PALS1: variants seen among roughly 807,000 people sequenced by gnomAD.
PALS1 encodes protein associated with LIN7 1, MAGUK p55 family member.
PALS1 carries 31 observed loss-of-function variants against 78.9 expected under a neutral mutation model. The ratio of observed to expected loss-of-function variants is 0.39; its 90% confidence interval spans 0.30 to 0.53. PALS1 has a LOEUF of 0.53. Ranked by LOEUF, PALS1 falls within the 20% of genes least tolerant of loss-of-function variation. The pLI, the probability that PALS1 is intolerant of heterozygous loss-of-function variation, is 0.67. For synonymous variants in PALS1, 276 were observed against 270.9 expected (o/e 1.02, Z -0.18); for missense variants, 704 against 826.5 (o/e 0.85, Z 1.82).
chr14:67,330,142 AATAATAAT>A (rs374986089), intron 14 of PALS1, among the ~76,000 whole-genome samples: 111 of 143,316 alleles, frequency 7.7e-4, no homozygotes, highest in East Asian at 7.1e-3. Context: ...GGAAATAAAT[AATAATAAT>A]AATAATTATT....
rs1042789981 is a variant in PALS1 at position 67,312,849 on chromosome 14, G to A, written c.1225+139G>A. On this transcript the variant is annotated intron_variant, in intron 9 of 14. Transcript: ENST00000261681. ...CTTTTTCGTGTAGTTGGGTTTTTAT[G>A]TTGTACCTGCAGCGTAAGTATATTA... 1.4e-5 allele frequency: 9 copies of A among 622,990 alleles called. No homozygotes were observed. The African/African-American group carries it at 1.7e-4, about 12-fold the overall frequency. The allele number at this position is 622,990 out of a possible 1,614,324, so 38.6% of individuals were successfully genotyped here. A position where few individuals can be genotyped will look rare whatever the true frequency, so the allele number is the denominator to read the frequency against.
chr14:67,260,392 C>T (rs1422579487), intron 1 of PALS1, among the ~76,000 whole-genome samples: 2 of 152,132 alleles, frequency 1.3e-5, no homozygotes, highest in African/African-American at 2.4e-5. Flanking sequence ...AAAAGATTTT[C>T]ATTCAAAAAA....
chr14:67,307,919 T>C (rs1849233952), intron 8 of PALS1, among the ~76,000 whole-genome samples: 1 of 152,148 alleles, frequency 6.6e-6, no homozygotes, highest in Non-Finnish European at 1.5e-5. Flanking sequence ...AATGAGATCA[T>C]ATCCTTTGCA....
At chr14:67,259,324 G>A (rs556934950) in intron 1 of PALS1, among the ~76,000 whole-genome samples, 3 of 151,904 alleles carry the variant, frequency 2.0e-5, no homozygotes, top group Admixed American at 2.0e-4. Flanking sequence ...AAGTGAGTAA[G>A]GCCAGGCTGG....
At chr14:67,243,491 T>TA in intron 1 of PALS1, among the ~76,000 whole-genome samples, 1 of 83,176 alleles carries the variant, frequency 1.2e-5, no homozygotes. Flanking sequence ...AGAATATAAT[T>TA]TTTTTTTTTT....
chr14:67,243,312 C>T (rs941601391), intron 1 of PALS1, among the ~76,000 whole-genome samples: 1 of 151,176 alleles, frequency 6.6e-6, no homozygotes, highest in East Asian at 1.9e-4. Flanking sequence ...CTCAGCCTCC[C>T]GACTAGCTGG....
At chr14:67,257,061 T>C (rs921697964) in intron 1 of PALS1, among the ~76,000 whole-genome samples, 2 of 152,002 alleles carry the variant, frequency 1.3e-5, no homozygotes, top group Admixed American at 6.6e-5. Context: ...AATATGTACG[T>C]TGGTTTGATC....
chr14:67,315,063 A>G (rs2085146762), intron 9 of PALS1, among the ~76,000 whole-genome samples: 1 of 152,132 alleles, frequency 6.6e-6, no homozygotes, highest in Non-Finnish European at 1.5e-5. Flanking sequence ...AGCTTTGATC[A>G]CACCAGTGTA....
chr14:67,334,702 T>C lies in PALS1; in HGVS notation c.*1746T>C, dbSNP rs2085503473. On this transcript the variant is annotated 3_prime_UTR_variant, in exon 15 of 15. Transcript: ENST00000261681. ...AACATTCTTGGGTTGAGGGAAGGAA[T>C]GCCATACACTACTGTCTCTTCAGAT... 6.6e-6 allele frequency: 1 copy of C among 152,408 alleles called. No individual in the cohort carries two copies. The highest frequency in any genetic ancestry group is 2.1e-4 in the South Asian group (1 of 4,828). The allele number at this position is 152,408 out of a possible 1,614,324, so 9.4% of individuals were successfully genotyped here. A position where few individuals can be genotyped will look rare whatever the true frequency, so the allele number is the denominator to read the frequency against.
At chr14:67,288,964 CTTTT>C (rs36044460) in intron 3 of PALS1, among the ~76,000 whole-genome samples, 1,374 of 107,062 alleles carry the variant, frequency 0.013, 19 homozygotes, top group African/African-American at 0.039. Context: ...TCTTTATTTC[CTTTT>C]TTTTTTTTTT....
At chr14:67,304,651 A>AT (rs1334365741) in intron 8 of PALS1, among the ~76,000 whole-genome samples, 2 of 152,202 alleles carry the variant, frequency 1.3e-5, no homozygotes, top group African/African-American at 4.8e-5. Context: ...TTATGAGGGA[A>AT]TGGTGATTAC....
chr14:67,265,301 T>C (rs1259798766), intron 1 of PALS1, among the ~76,000 whole-genome samples: 1 of 152,192 alleles, frequency 6.6e-6, no homozygotes, highest in Non-Finnish European at 1.5e-5. Context: ...CTCATGCCTG[T>C]AATCTCAGAG....
intron 1 of PALS1, among the ~76,000 whole-genome samples, chr14:67,249,474 A>G (rs910475747): frequency 3.9e-5 from 6 of 152,248 alleles, no homozygotes; most frequent in African/African-American, 1.2e-4. Flanking sequence ...CACATAGCAG[A>G]TACTTAATAA....
chr14:67,295,965 G>A (rs1230175375), intron 4 of PALS1, among the ~76,000 whole-genome samples: 1 of 152,156 alleles, frequency 6.6e-6, no homozygotes, highest in Non-Finnish European at 1.5e-5. Context: ...TTGTCAACCT[G>A]TGAAAGTTGC....
At chr14:67,307,591 T>A (rs2085023127) in intron 8 of PALS1, among the ~76,000 whole-genome samples, 1 of 152,242 alleles carries the variant, frequency 6.6e-6, no homozygotes, top group Non-Finnish European at 1.5e-5. Flanking sequence ...ATTATAGGTA[T>A]AAAAATGTAT....
intron 1 of PALS1, among the ~76,000 whole-genome samples, chr14:67,256,671 C>G (rs2084149925): frequency 6.6e-6 from 1 of 152,042 alleles, no homozygotes; most frequent in Admixed American, 6.6e-5. Context: ...CCTCAGCCTC[C>G]CAAGTAGCTG....
In PALS1 at chr14:67,335,878, C is replaced by T. The variant is rs1276712310; in HGVS notation, c.*2922C>T. ...TCAAGGTTTCCACACATGTAAAGAC[C>T]ACCCTCCTCTTCAAGTTTTTGCCAA... On this transcript the variant is annotated 3_prime_UTR_variant, in exon 15 of 15. Transcript: ENST00000261681. The T allele has an allele frequency of 6.6e-6, 1 of 152,208 alleles. No individual in the cohort carries two copies. Among genetic ancestry groups the T allele is most frequent in the Non-Finnish European group, 1.5e-5 (1 of 68,036 alleles). 9.4% of individuals were successfully genotyped at this position (152,208 alleles called of 1,614,324 possible). A position where few individuals can be genotyped will look rare whatever the true frequency, so the allele number is the denominator to read the frequency against.
intron 3 of PALS1, among the ~76,000 whole-genome samples, chr14:67,289,769 C>CTTTTTTTTT (rs1566552377): frequency 7.8e-6 from 1 of 128,346 alleles, no homozygotes; most frequent in African/African-American, 3.4e-5. Flanking sequence ...TTTCCATGTC[C>CTTTTTTTTT]TTTTTTTTTT....
In PALS1 at chr14:67,335,669, A is replaced by T. The variant is rs1367190048; in HGVS notation, c.*2713A>T. 6.6e-6 allele frequency: 1 copy of T among 152,666 alleles called. No homozygotes were observed. The highest frequency in any genetic ancestry group is 1.5e-5 in the Non-Finnish European group (1 of 68,042). The allele number at this position is 152,666 out of a possible 1,614,324, so 9.5% of individuals were successfully genotyped here. A position where few individuals can be genotyped will look rare whatever the true frequency, so the allele number is the denominator to read the frequency against. On this transcript the variant is annotated 3_prime_UTR_variant, in exon 15 of 15. Coordinates refer to ENST00000261681, the MANE Select transcript of PALS1 (RefSeq NM_022474.4). ...AATGTGTGGAAAATATAAAGCAGGG[A>T]TTTAGCCTTAATAAAGGTAACCTTC...
Sources: gnomAD v4.1 joint callset for allele counts (sites outside exome capture counted in the v4.1 genomes callset) on GRCh38, gnomAD v4.1.1 for gene constraint, MANE v1.5 for transcripts, NCBI Gene and HGNC (gene_info 2026-07-23, HGNC 2026-07-21) for gene names.